DIP2A: variants seen among roughly 807,000 people sequenced by gnomAD.
DIP2A encodes the protein disco-interacting protein 2 homolog A.
In DIP2A, 85 loss-of-function variants were observed where a neutral mutation model predicts 177.4. That is an observed-to-expected ratio of 0.48 (90% CI 0.40 to 0.57). DIP2A has a LOEUF of 0.57. Ranked by LOEUF, DIP2A falls within the 20% of genes least tolerant of loss-of-function variation. The probability of loss-of-function intolerance (pLI) is 0.00; values close to 1 mark genes in which losing one functional copy is unlikely to be tolerated. For synonymous variants in DIP2A, 886 were observed against 881.8 expected (o/e 1.00, Z -0.08); for missense variants, 1,791 against 2,100.2 (o/e 0.85, Z 2.88).
Position 46,534,177 on chromosome 21 carries a change from C to G in DIP2A, c.1539+64C>G, listed in dbSNP as rs2059464744. On this transcript the variant is annotated intron_variant, in intron 12 of 37. Transcript: ENST00000417564. Reference sequence around the variant, plus strand: ...TCCCACAGGCTTAAGTCTTGCTTTTCATAAGAATGTAAGTTGCTATTCTTT... The same window carrying G: ...TCCCACAGGCTTAAGTCTTGCTTTTGATAAGAATGTAAGTTGCTATTCTTT... 4.6e-6 allele frequency: 6 copies of G among 1,317,086 alleles called. No individual in the cohort carries two copies. The Admixed American group carries it at 7.8e-5, about 17-fold the overall frequency. The allele number at this position is 1,317,086 out of a possible 1,614,324, so 81.6% of individuals were successfully genotyped here. A position where few individuals can be genotyped will look rare whatever the true frequency, so the allele number is the denominator to read the frequency against.
In DIP2A at chr21:46,490,782, T is replaced by G. The variant is rs1386009829; in HGVS notation, c.283+63T>G. On this transcript the variant is annotated intron_variant, in intron 3 of 37. Coordinates refer to ENST00000417564, the MANE Select transcript of DIP2A (RefSeq NM_015151.4). ...GCCTGGAGCCCTTGGACTCTTGCCA[T>G]GAAGTCTTCCAGTTATTTTTCCTTT... The G allele has an allele frequency of 4.1e-6, 6 of 1,476,036 alleles. No homozygotes were observed. The African/African-American group carries it at 8.6e-5, about 21-fold the overall frequency. The allele number at this position is 1,476,036 out of a possible 1,614,324, so 91.4% of individuals were successfully genotyped here.
Position 46,541,606 on chromosome 21 carries a change from A to G in DIP2A, c.2037-150A>G, listed in dbSNP as rs1324005602. The G allele has an allele frequency of 3.4e-5, 30 of 870,244 alleles. No individual in the cohort carries two copies. In the South Asian group the frequency reaches 3.9e-4, roughly 11 times the overall value. 53.9% of individuals were successfully genotyped at this position (870,244 alleles called of 1,614,324 possible). On this transcript the variant is annotated intron_variant, in intron 17 of 37. Coordinates refer to ENST00000417564, the MANE Select transcript of DIP2A (RefSeq NM_015151.4). ...GCAGAGGGGCATGTAGTTTGGAGAC[A>G]TTGCAGCATCTTTAGAACATGCGTT...
intron 1 of DIP2A, among the ~76,000 whole-genome samples, chr21:46,474,284 A>G (rs1335985535): frequency 6.6e-6 from 1 of 152,230 alleles, no homozygotes; most frequent in African/African-American, 2.4e-5. Flanking sequence ...CCCAGAGTGC[A>G]TTTGGATATA....
chr21:46,516,585 T>C (rs13050065), intron 8 of DIP2A, among the ~76,000 whole-genome samples: 122,877 of 147,510 alleles, frequency 0.83, 51,471 homozygotes, highest in African/African-American at 0.92. Flanking sequence ...CTCCGCCTCC[T>C]GGGTTCACGC....
intron 8 of DIP2A, among the ~76,000 whole-genome samples, chr21:46,523,009 T>G (rs2148696892): frequency 6.6e-6 from 1 of 152,140 alleles, no homozygotes; most frequent in South Asian, 2.1e-4. Context: ...CACCGCAACC[T>G]CTGTCTCCCA....
intron 1 of DIP2A, among the ~76,000 whole-genome samples, chr21:46,479,501 T>C (rs2056178234): frequency 6.6e-6 from 1 of 152,182 alleles, no homozygotes; most frequent in Non-Finnish European, 1.5e-5. Context: ...TGTGGAAGCA[T>C]ATCTATACTC....
chr21:46,580,096 AG>A, the DIP2A span, among the ~76,000 whole-genome samples: 1 of 152,168 alleles, frequency 6.6e-6, no homozygotes, highest in Non-Finnish European at 1.5e-5. Context: ...GTCTCTTTGT[AG>A]GTCTCTAAAA....
intron 32 of DIP2A, among the ~76,000 whole-genome samples, chr21:46,559,908 C>A (rs1325556364): frequency 6.6e-6 from 1 of 152,206 alleles, no homozygotes; most frequent in Non-Finnish European, 1.5e-5. Flanking sequence ...GTGCTTCCCC[C>A]TCCCATGAGT....
chr21:46,555,902 T>C (rs2148889375), intron 28 of DIP2A, 80 bp from the exon 29 acceptor site: 1 of 1,053,164 alleles, frequency 9.5e-7, no homozygotes, highest in South Asian at 1.3e-5. Context: ...AAATCATGTG[T>C]CGCCTCTTGC....
intron 8 of DIP2A, among the ~76,000 whole-genome samples, chr21:46,520,096 G>A (rs968821311): frequency 1.3e-4 from 20 of 151,710 alleles, no homozygotes; most frequent in Non-Finnish European, 4.4e-5. Context: ...GGACGGTCTC[G>A]ATCTCCTGAC....
chr21:46,546,156 G>A, intron 20 of DIP2A, 195 bp downstream of exon 20: 1 of 1,401,360 alleles, frequency 7.1e-7, no homozygotes, highest in Non-Finnish European at 9.3e-7. Context: ...CTGGTGCACA[G>A]TCCTGCACAC....
chr21:46,580,146 G>A, the DIP2A span, among the ~76,000 whole-genome samples: 10 of 152,236 alleles, frequency 6.6e-5, no homozygotes, highest in South Asian at 2.1e-4. Context: ...TATTGGCTGC[G>A]TATATATTTA....
At chr21:46,508,867 A>G (rs2058160192) in intron 6 of DIP2A, among the ~76,000 whole-genome samples, 2 of 151,732 alleles carry the variant, frequency 1.3e-5, no homozygotes, top group Admixed American at 6.6e-5. Context: ...CTAAAAATAC[A>G]AATTAGCCAG....
chr21:46,464,451 A>G (rs1249492285), intron 1 of DIP2A, among the ~76,000 whole-genome samples: 2 of 152,176 alleles, frequency 1.3e-5, no homozygotes, highest in Non-Finnish European at 2.9e-5. Context: ...GGCCACCCCA[A>G]ATGCTCTCTA....
chr21:46,572,252 A>G (rs2060974166), downstream of DIP2A, among the ~76,000 whole-genome samples: 1 of 152,252 alleles, frequency 6.6e-6, no homozygotes, highest in Admixed American at 6.5e-5. Flanking sequence ...AAAACATTTG[A>G]AAGTTTATAA....
chr21:46,459,275 C>G, intron 1 of DIP2A, 53 bp downstream of exon 1: 3 of 1,435,978 alleles, frequency 2.1e-6, no homozygotes, highest in Admixed American at 2.4e-5. Flanking sequence ...CCCGGTCCCC[C>G]GCGCAGCCCC....
intron 35 of DIP2A, among the ~76,000 whole-genome samples, chr21:46,565,060 C>T (rs933187462): frequency 2.0e-5 from 3 of 152,200 alleles, no homozygotes; most frequent in Non-Finnish European, 2.9e-5. Flanking sequence ...TCGAACTGAC[C>T]GTGGGTTCTG....
intron 13 of DIP2A, among the ~76,000 whole-genome samples, chr21:46,534,930 GT>G (rs1908291566): frequency 6.6e-6 from 1 of 152,158 alleles, no homozygotes; most frequent in African/African-American, 2.4e-5. Context: ...CCCCATCAGG[GT>G]TGTTTTCAGT....
At chr21:46,523,635 CAAT>C (rs1170893974) in intron 8 of DIP2A, among the ~76,000 whole-genome samples, 1 of 124,276 alleles carries the variant, frequency 8.0e-6, no homozygotes, top group South Asian at 2.3e-4. Flanking sequence ...CAGGTGAAAA[CAAT>C]AAACTTTAGC....
Sources: allele counts gnomAD v4.1 joint callset (sites outside exome capture counted in the v4.1 genomes callset), GRCh38; gene constraint gnomAD v4.1.1; transcripts MANE v1.5; gene names NCBI Gene and HGNC (gene_info 2026-07-23, HGNC 2026-07-21).